The following AUTS2 variants were observed in gnomAD, a reference collection of about 807,000 sequenced individuals.
AUTS2 encodes the protein autism susceptibility gene 2 protein.
AUTS2 carries 17 observed loss-of-function variants against 112.4 expected under a neutral mutation model. That is an observed-to-expected ratio of 0.15 (90% CI 0.10 to 0.23). The LOEUF (loss-of-function observed/expected upper bound fraction) is 0.23, where lower values mean the gene tolerates loss of function less well. AUTS2 is among the 10% of genes least tolerant of loss of function. The pLI is 1.00. For missense variants in AUTS2, 1,510 were observed against 1,701.6 expected (o/e 0.89, Z 1.98); for synonymous variants, 751 against 702.7 (o/e 1.07, Z -1.09).
At chr7:69,880,667 A>G (rs2129537584) in intron 1 of AUTS2, among the ~76,000 whole-genome samples, 1 of 152,328 alleles carries the variant, frequency 6.6e-6, no homozygotes, top group South Asian at 2.1e-4. Context: ...GCGGGAAATC[A>G]GGTAAGATAT....
chr7:70,455,158 C>T (rs1023788345), intron 5 of AUTS2, among the ~76,000 whole-genome samples: 8 of 152,194 alleles, frequency 5.3e-5, no homozygotes, highest in African/African-American at 1.9e-4. Flanking sequence ...ACTGTTCTCA[C>T]TCCTGAATGT....
At chr7:69,869,804 G>A (rs1003397822) in intron 1 of AUTS2, among the ~76,000 whole-genome samples, 4 of 152,144 alleles carry the variant, frequency 2.6e-5, no homozygotes, top group African/African-American at 9.7e-5. Context: ...CCAAATATAT[G>A]CAGTTGATAT....
chr7:69,876,177 G>A (rs986241654), intron 1 of AUTS2, among the ~76,000 whole-genome samples: 11 of 149,628 alleles, frequency 7.4e-5, no homozygotes, highest in Admixed American at 3.3e-4. Context: ...CCATCCTAAC[G>A]AACACGGTGA....
intron 4 of AUTS2, among the ~76,000 whole-genome samples, chr7:70,256,372 T>C (rs1415634091): frequency 2.0e-5 from 3 of 152,138 alleles, no homozygotes; most frequent in Non-Finnish European, 4.4e-5. Flanking sequence ...GAACAGAGGG[T>C]CATAACAGGC....
At chr7:70,527,769 G>T (rs181483192) in intron 5 of AUTS2, among the ~76,000 whole-genome samples, 27 of 152,326 alleles carry the variant, frequency 1.8e-4, no homozygotes, top group African/African-American at 2.4e-4. Flanking sequence ...GGAAGTGTCA[G>T]TATTAATGAG....
chr7:69,680,373 G>T (rs1034737830), intron 1 of AUTS2, among the ~76,000 whole-genome samples: 1 of 152,154 alleles, frequency 6.6e-6, no homozygotes, highest in African/African-American at 2.4e-5. Flanking sequence ...AAGATGAGTT[G>T]TCCCTAGGCC....
chr7:70,255,230 C>T (rs1165460057), intron 4 of AUTS2, among the ~76,000 whole-genome samples: 2 of 151,918 alleles, frequency 1.3e-5, no homozygotes, highest in Non-Finnish European at 2.9e-5. Context: ...TGTGCCACCA[C>T]GCCTGGCTAA....
chr7:70,784,855 C>T lies in AUTS2; in HGVS notation c.2147-87C>T, dbSNP rs567595527. 165 of 1,192,808 alleles carry T rather than the reference C, an allele frequency of 1.4e-4. 1 individual carries two copies. Among genetic ancestry groups the T allele is most frequent in the South Asian group, 1.3e-3 (98 of 78,228 alleles). The allele number at this position is 1,192,808 out of a possible 1,614,324, so 73.9% of individuals were successfully genotyped here. ...ATGACCTCCCTTGAACATATTTTCT[C>T]ACGGGGCCCTTAAGCAAGTAGAAGC... On this transcript the variant is annotated intron_variant, in intron 15 of 18. Coordinates refer to ENST00000342771, the MANE Select transcript of AUTS2 (RefSeq NM_015570.4).
At chr7:69,787,261 A>G (rs775281225) in intron 1 of AUTS2, among the ~76,000 whole-genome samples, 28 of 152,244 alleles carry the variant, frequency 1.8e-4, no homozygotes, top group Admixed American at 3.3e-4. Context: ...TTTACATAAC[A>G]TAGTCTATTT....
chr7:70,281,103 T>C lies in AUTS2; in HGVS notation c.660+146532T>C, dbSNP rs568890944. On this transcript the variant is annotated intron_variant, in intron 4 of 18. Transcript: ENST00000342771. ...TGATAAAAGATCCAAACTATGAACTTTATGGATATCGGGGTAAACATCCAA... is the reference window on the plus strand; with the variant it reads ...TGATAAAAGATCCAAACTATGAACTCTATGGATATCGGGGTAAACATCCAA... Among the ~76,000 whole-genome samples the C allele has an allele frequency of 5.3e-5, 8 of 152,286 alleles. No homozygotes were observed. In the East Asian group the frequency reaches 1.4e-3, roughly 26 times the overall value.
intron 4 of AUTS2, among the ~76,000 whole-genome samples, chr7:70,287,677 T>C (rs1170719292): frequency 1.3e-5 from 2 of 152,140 alleles, no homozygotes; most frequent in African/African-American, 4.8e-5. Context: ...TTTAATGTTA[T>C]TTTCAGTTGT....
chr7:69,923,772 C>A (rs1239786503), intron 2 of AUTS2, among the ~76,000 whole-genome samples: 1 of 152,144 alleles, frequency 6.6e-6, no homozygotes. Context: ...TGTAGAAATT[C>A]ACTGATTTTT....
At chr7:69,864,178 T>G (rs1347004484) in intron 1 of AUTS2, among the ~76,000 whole-genome samples, 1 of 152,202 alleles carries the variant, frequency 6.6e-6, no homozygotes, top group African/African-American at 2.4e-5. Flanking sequence ...TTCCAACATT[T>G]AGTAGATTAC....
At chr7:70,746,211 A>G (rs557123992) in intron 6 of AUTS2, among the ~76,000 whole-genome samples, 2 of 152,264 alleles carry the variant, frequency 1.3e-5, no homozygotes, top group East Asian at 1.9e-4. Flanking sequence ...CGGTGGCACA[A>G]TCTCAGCTCG....
At chr7:70,300,564 T>G (rs1789167004) in intron 4 of AUTS2, among the ~76,000 whole-genome samples, 1 of 152,206 alleles carries the variant, frequency 6.6e-6, no homozygotes, top group African/African-American at 2.4e-5. Flanking sequence ...TTAGTTTTGC[T>G]AATCCCTTTA....
intron 6 of AUTS2, among the ~76,000 whole-genome samples, chr7:70,739,237 A>C (rs1787958787): frequency 6.6e-6 from 1 of 151,662 alleles, no homozygotes; most frequent in Non-Finnish European, 1.5e-5. Flanking sequence ...CATGTTGCCC[A>C]GGCTGGTCTT....
intron 2 of AUTS2, among the ~76,000 whole-genome samples, chr7:70,065,663 C>T (rs1483203247): frequency 2.0e-5 from 3 of 152,060 alleles, no homozygotes; most frequent in Admixed American, 6.6e-5. Context: ...TGCCACTGCA[C>T]TCCAGTCTGA....
intron 5 of AUTS2, among the ~76,000 whole-genome samples, chr7:70,446,282 T>C (rs776395709): frequency 6.6e-6 from 1 of 152,220 alleles, no homozygotes; most frequent in Non-Finnish European, 1.5e-5. Context: ...TTAAAGATTA[T>C]GTATTTGCCA....
chr7:70,407,523 A>G (rs776699601), intron 4 of AUTS2, among the ~76,000 whole-genome samples: 3 of 152,166 alleles, frequency 2.0e-5, no homozygotes, highest in African/African-American at 7.2e-5. Flanking sequence ...TTGAAGTTCT[A>G]AGTCTATAGT....
Sources: gnomAD v4.1 joint callset for allele counts (sites outside exome capture counted in the v4.1 genomes callset) on GRCh38, gnomAD v4.1.1 for gene constraint, MANE v1.5 for transcripts, NCBI Gene and HGNC (gene_info 2026-07-23, HGNC 2026-07-21) for gene names.